Variants in NCKAP1 observed in about 807,000 individuals in gnomAD.
NCKAP1 encodes nck-associated protein 1.
Under a neutral mutation model 151.2 loss-of-function variants are expected in NCKAP1, and 21 were observed. The ratio of observed to expected loss-of-function variants is 0.14; its 90% CI spans 0.10 to 0.20. The LOEUF (loss-of-function observed/expected upper bound fraction) is 0.20, where lower values mean the gene tolerates loss of function less well. Among genes scored for constraint, NCKAP1 ranks in the 10% least tolerant of loss-of-function variants. NCKAP1 has a pLI of 1.00. For missense variants in NCKAP1, 933 were observed against 1,352.1 expected (o/e 0.69, Z 4.86); for synonymous variants, 484 against 451.8 (o/e 1.07, Z -0.90).
chr2:182,941,948 A>G, intron 24 of NCKAP1, 122 bp downstream of exon 24: 1 of 716,646 alleles, frequency 1.4e-6, no homozygotes, highest in East Asian at 2.7e-5. Flanking sequence ...AGTTCTCTTC[A>G]TAAGCTAAAG....
intron 10 of NCKAP1, among the ~76,000 whole-genome samples, chr2:182,983,892 G>A (rs1697993296): frequency 6.6e-6 from 1 of 151,988 alleles, no homozygotes; most frequent in African/African-American, 2.4e-5. Context: ...ACATTAGCCA[G>A]GTGTGGTGGG....
chr2:182,927,669 T>C (rs1405791291), intron 29 of NCKAP1, among the ~76,000 whole-genome samples: 6 of 152,202 alleles, frequency 3.9e-5, no homozygotes, highest in African/African-American at 1.4e-4. Context: ...CCATTAATTG[T>C]CTTTCTCCAA....
At chr2:182,966,341 A>G (rs1697569178) in intron 16 of NCKAP1, among the ~76,000 whole-genome samples, 1 of 151,738 alleles carries the variant, frequency 6.6e-6, no homozygotes, top group African/African-American at 2.4e-5. Flanking sequence ...ACTGGAGTGC[A>G]GTGGCGTGAT....
chr2:182,944,136 A>G (rs1363061486), intron 23 of NCKAP1, among the ~76,000 whole-genome samples: 1 of 152,142 alleles, frequency 6.6e-6, no homozygotes, highest in African/African-American at 2.4e-5. Context: ...ACCCTAAATT[A>G]TTTGCTGGCT....
At chr2:182,932,869 T>A (rs1264755534) in intron 26 of NCKAP1, among the ~76,000 whole-genome samples, 1 of 152,184 alleles carries the variant, frequency 6.6e-6, no homozygotes, top group African/African-American at 2.4e-5. Flanking sequence ...CATTTTGAGC[T>A]ATTTGTACAT....
rs1696506834 is a variant in NCKAP1, at chr2:182,918,851, AT to A, written c.*6850del. 6.6e-6 allele frequency: 1 copy of A among 152,220 alleles called. No individual in the cohort carries two copies. The highest frequency in any genetic ancestry group is 2.4e-5 in the African/African-American group (1 of 41,450). The allele number at this position is 152,220 out of a possible 1,614,324, so 9.4% of individuals were successfully genotyped here. A position where few individuals can be genotyped will look rare whatever the true frequency, so the allele number is the denominator to read the frequency against. ...AGCTATTCAAATTTTTAAAACATTA[AT>A]TAAAAAATGCTATTGGTTAGAAAAG... is the stretch of plus-strand genomic sequence containing the variant. On this transcript the variant is annotated 3_prime_UTR_variant, in exon 31 of 31. Coordinates refer to ENST00000361354, the MANE Select transcript of NCKAP1 (RefSeq NM_013436.5).
At chr2:183,006,791 A>G (rs1231490340) in intron 2 of NCKAP1, among the ~76,000 whole-genome samples, 1 of 152,214 alleles carries the variant, frequency 6.6e-6, no homozygotes, top group Non-Finnish European at 1.5e-5. Context: ...AACATAGGTA[A>G]CACATTGTTT....
intron 23 of NCKAP1, among the ~76,000 whole-genome samples, chr2:182,946,409 A>T (rs998429369): frequency 3.3e-5 from 5 of 151,906 alleles, no homozygotes; most frequent in Non-Finnish European, 7.4e-5. Context: ...TACAAAAAAA[A>T]AAGGAGCGAC....
chr2:182,972,519 T>G (rs1697721460), intron 15 of NCKAP1, among the ~76,000 whole-genome samples: 1 of 152,044 alleles, frequency 6.6e-6, no homozygotes, highest in Non-Finnish European at 1.5e-5. Context: ...GTGTCTGAGG[T>G]TCCTCAAAAA....
At chr2:182,931,056 T>C (rs1396993716) in intron 26 of NCKAP1, among the ~76,000 whole-genome samples, 1 of 152,114 alleles carries the variant, frequency 6.6e-6, no homozygotes, top group African/African-American at 2.4e-5. Context: ...ATTCTAAAGT[T>C]ATCACTTTGC....
chr2:183,029,007 C>T (rs543155893), intron 1 of NCKAP1, among the ~76,000 whole-genome samples: 54 of 151,636 alleles, frequency 3.6e-4, no homozygotes, highest in African/African-American at 1.2e-3. Flanking sequence ...ATCCCAGCTA[C>T]TCGGGAGGCT....
At chr2:182,932,299 A>C (rs552319260) in intron 26 of NCKAP1, among the ~76,000 whole-genome samples, 5 of 152,216 alleles carry the variant, frequency 3.3e-5, no homozygotes, top group African/African-American at 9.6e-5. Context: ...CATTAAAAAA[A>C]GTACTGATAT....
chr2:183,004,929 T>C (rs747538258), intron 2 of NCKAP1, among the ~76,000 whole-genome samples: 1 of 151,942 alleles, frequency 6.6e-6, no homozygotes, highest in Non-Finnish European at 1.5e-5. Flanking sequence ...ATGAAATATT[T>C]CATTACTACC....
intron 30 of NCKAP1, among the ~76,000 whole-genome samples, chr2:182,926,130 T>TC (rs1450129952): frequency 6.8e-6 from 1 of 147,362 alleles, no homozygotes; most frequent in South Asian, 2.1e-4. Flanking sequence ...ACAAAAATAT[T>TC]TTTTTTTTGT....
intron 18 of NCKAP1, 146 bp from the exon 19 acceptor site, chr2:182,957,742 C>T: frequency 1.2e-6 from 1 of 865,986 alleles, no homozygotes; most frequent in Non-Finnish European, 1.7e-6. Context: ...AGATACAGAG[C>T]TTACTTAGCT....
chr2:182,967,372 C>CG lies in NCKAP1; in HGVS notation c.1483-12_1483-11insC, dbSNP rs1553513603. On this transcript the variant is annotated splice_polypyrimidine_tract_variant and intron_variant, in intron 15 of 30. Transcript: ENST00000361354. ...GACACTAGTATATGCCTATAAAGTA[C>CG]AAAAAAAAAAAAGTAGTTCAGGTAA... 3 of 1,323,918 alleles carry CG rather than the reference C, an allele frequency of 2.3e-6. No homozygotes were observed. Among genetic ancestry groups the CG allele is most frequent in the Non-Finnish European group, 3.0e-6 (3 of 984,036 alleles). 82.0% of individuals were successfully genotyped at this position (1,323,918 alleles called of 1,614,324 possible).
intron 1 of NCKAP1, among the ~76,000 whole-genome samples, chr2:183,024,659 C>T (rs1302775623): frequency 6.6e-6 from 1 of 152,178 alleles, no homozygotes; most frequent in Non-Finnish European, 1.5e-5. Context: ...TATTACAATA[C>T]AGAATATAAT....
intron 24 of NCKAP1, among the ~76,000 whole-genome samples, chr2:182,939,069 T>C (rs1696941555): frequency 1.3e-5 from 2 of 152,184 alleles, no homozygotes; most frequent in South Asian, 2.1e-4. Context: ...GTGAATAGAA[T>C]GAGTTTTCGA....
At chr2:183,030,050 A>G (rs186604352) in intron 1 of NCKAP1, among the ~76,000 whole-genome samples, 31 of 152,314 alleles carry the variant, frequency 2.0e-4, no homozygotes, top group African/African-American at 6.5e-4. Flanking sequence ...AGAGAAATTC[A>G]TACCTGATTC....
Sources: allele counts gnomAD v4.1 joint callset (sites outside exome capture counted in the v4.1 genomes callset), GRCh38; gene constraint gnomAD v4.1.1; transcripts MANE v1.5; gene names NCBI Gene and HGNC (gene_info 2026-07-23, HGNC 2026-07-21).